Variants in PRPF8 observed in about 807,000 individuals in gnomAD.
PRPF8 encodes the protein pre-mRNA processing factor 8, also known as pre-mRNA-processing-splicing factor 8.
PRPF8 carries 64 observed loss-of-function variants against 285.9 expected under a neutral mutation model. That is an observed-to-expected ratio of 0.22 (90% confidence interval 0.18 to 0.28). The LOEUF is 0.28. Among genes scored for constraint, PRPF8 ranks in the 10% least tolerant of loss-of-function variants. The pLI, the probability that PRPF8 is intolerant of heterozygous loss-of-function variation, is 1.00. For synonymous variants in PRPF8, 1,325 were observed against 1,118.2 expected, an observed-to-expected ratio of 1.18 and a Z score of -3.69; for missense variants, 1,426 against 3,026.7, an observed-to-expected ratio of 0.47 and a Z score of 12.41.
chr17:1,655,214 T>C, intron 37 of PRPF8, 136 bp downstream of exon 37: 1 of 959,952 alleles, frequency 1.0e-6, no homozygotes, highest in Non-Finnish European at 1.6e-6. Flanking sequence ...CACCTTGGCC[T>C]CCCAAAGTGC....
At position 1,653,337 on chromosome 17, in the gene PRPF8, T is replaced by A. The variant is rs1911185178; in HGVS notation, c.6369+205A>T. 1 of 682,396 alleles carries A rather than the reference T, an allele frequency of 1.5e-6. No homozygotes were observed. The highest frequency in any genetic ancestry group is 1.7e-5 in the South Asian group (1 of 58,288). 42.3% of individuals were successfully genotyped at this position (682,396 alleles called of 1,614,324 possible). On this transcript the variant is annotated intron_variant, in intron 39 of 42. Transcript: ENST00000304992. The surrounding 1 kb of genome is among the most constrained non-coding windows in gnomAD (Gnocchi z 4.9). ...CTTCCAAATACTATCAGGCCAATACTACAATTACTACCTTCTCTCAGCTGC... is the reference window on the plus strand; with the variant it reads ...CTTCCAAATACTATCAGGCCAATACAACAATTACTACCTTCTCTCAGCTGC...
chr17:1,678,465 A>C, intron 13 of PRPF8, 53 bp downstream of exon 13: 5 of 1,612,582 alleles, frequency 3.1e-6, no homozygotes, highest in Non-Finnish European at 4.2e-6. Flanking sequence ...CCCAAGAGAC[A>C]AGAGTAAGAC....
In PRPF8 at chr17:1,658,130, G is replaced by A; in HGVS notation, c.5505+123C>T. The A allele has an allele frequency of 1.4e-6, 2 of 1,425,576 alleles. No homozygotes were observed. The allele number at this position is 1,425,576 out of a possible 1,614,324, so 88.3% of individuals were successfully genotyped here. On this transcript the variant is annotated intron_variant, in intron 34 of 42. Coordinates refer to ENST00000304992, the MANE Select transcript of PRPF8 (RefSeq NM_006445.4). The surrounding 1 kb of genome is among the most constrained non-coding windows in gnomAD (Gnocchi z 4.1). Reference sequence around the variant, plus strand: ...ACAGAATACTTCCCAAGGTATTTTGGGGATAAGTTCAAATGAGATGTTCTC... The same window carrying A: ...ACAGAATACTTCCCAAGGTATTTTGAGGATAAGTTCAAATGAGATGTTCTC...
chr17:1,656,795 G>T, intron 34 of PRPF8, 34 bp from the exon 35 acceptor site: 1 of 1,558,348 alleles, frequency 6.4e-7, no homozygotes. Flanking sequence ...TGGAAATTTA[G>T]TCTCTACCCT....
At chr17:1,678,257 G>C (rs898000203) in intron 13 of PRPF8, among the ~76,000 whole-genome samples, 1 of 152,130 alleles carries the variant, frequency 6.6e-6, no homozygotes, top group Non-Finnish European at 1.5e-5. Context: ...GGAGGCTGTG[G>C]TGAGCCAAGA....
intron 24 of PRPF8, among the ~76,000 whole-genome samples, chr17:1,672,203 A>T (rs1003746694): frequency 4.6e-5 from 7 of 152,210 alleles, no homozygotes; most frequent in African/African-American, 1.7e-4. Flanking sequence ...ACATTTAGAG[A>T]TATGAAGGTC....
chr17:1,651,642 C>G lies in PRPF8; in HGVS notation c.6510+6G>C. The G allele has an allele frequency of 6.2e-7, 1 of 1,614,168 alleles. No individual in the cohort carries two copies. The highest frequency in any genetic ancestry group is 8.5e-7 in the Non-Finnish European group (1 of 1,180,036). Reference sequence around the variant, plus strand: ...CACACTCCCAGGCTCCATCACTCCCCATTACCTTGAGGTACTCATGCTGGG... The same window carrying G: ...CACACTCCCAGGCTCCATCACTCCCGATTACCTTGAGGTACTCATGCTGGG... On this transcript the variant is annotated splice_donor_region_variant and intron_variant, in intron 40 of 42. Transcript: ENST00000304992. This position sits in a 1 kb window ranked among gnomAD's most constrained non-coding sequence, Gnocchi z 5.1.
At chr17:1,655,924 CTTT>C (rs76782744) in intron 36 of PRPF8, among the ~76,000 whole-genome samples, 2 of 119,506 alleles carry the variant, frequency 1.7e-5, no homozygotes, top group African/African-American at 6.3e-5. Context: ...TGCGCCCGGC[CTTT>C]TTTTTTTTTT....
chr17:1,668,048 C>T (rs989080396), intron 24 of PRPF8, among the ~76,000 whole-genome samples: 41 of 152,254 alleles, frequency 2.7e-4, no homozygotes, highest in African/African-American at 9.2e-4. Context: ...CAAAAGCCGT[C>T]TGACCTAGGT....
Position 1,673,508 on chromosome 17 carries a change from T to C in PRPF8, c.3506A>G (p.Gln1169Arg). 1 of 1,614,222 alleles carries C rather than the reference T, an allele frequency of 6.2e-7. No homozygotes were observed. Among genetic ancestry groups the C allele is most frequent in the Non-Finnish European group, 8.5e-7 (1 of 1,180,048 alleles). The change falls in exon 23 of 43, where the codon CAG (glutamine) becomes CGG (arginine). Residue 1169 changes from glutamine (Q) to arginine (R), a missense_variant. Physicochemically the swap from Gln to Arg is conservative, Grantham distance 43 (BLOSUM62 1). Around this residue, in one of 34 missense-constraint regions of PRPF8, gnomAD observed 148 missense variants for 196.2 expected, o/e 0.75. Coordinates refer to ENST00000304992, the MANE Select transcript of PRPF8 (RefSeq NM_006445.4). The surrounding 1 kb of genome is among the most constrained non-coding windows in gnomAD (Gnocchi z 5.5). ...CACAGACACGAAGCTGTTCTCCCAC[T>C]GAACTGTAGTCACTGACCGTGGCAA... ...NRLPRSVTTV[Q>R]WENSFVSVYS...
At chr17:1,655,128 T>G in intron 37 of PRPF8, 1 of 556,044 alleles carries the variant, frequency 1.8e-6, no homozygotes, top group East Asian at 3.2e-5. Flanking sequence ...CGGCTAACTT[T>G]TGTATTTTTA....
chr17:1,659,995 C>G lies in PRPF8; in HGVS notation c.4792G>C (p.Asp1598His), dbSNP rs759664867. 1 of 1,614,112 alleles carries G rather than the reference C, an allele frequency of 6.2e-7. No homozygotes were observed. The highest frequency in any genetic ancestry group is 8.5e-7 in the Non-Finnish European group (1 of 1,179,958). ...ATTTCCAGTGCATCAAGTTCCTGGT[C>G]AAACACCTGAAGGAAAACATGGAGA... is the stretch of plus-strand genomic sequence containing the variant. ...SIVMDLCQVF[D>H]QELDALEIET... The change falls in exon 31 of 43, where the codon GAC becomes CAC. Residue 1598 changes from aspartate to histidine, a missense_variant. Around this residue, in one of 34 missense-constraint regions of PRPF8, gnomAD observed 21 missense variants for 16.5 expected, o/e 1.27. Coordinates refer to ENST00000304992, the MANE Select transcript of PRPF8 (RefSeq NM_006445.4). This position sits in a 1 kb window ranked among gnomAD's most constrained non-coding sequence, Gnocchi z 5.1.
chr17:1,675,370 G>A lies in PRPF8; in HGVS notation c.2873-31C>T, dbSNP rs370131962. On this transcript the variant is annotated intron_variant, in intron 19 of 42. Transcript: ENST00000304992. This position sits in a 1 kb window ranked among gnomAD's most constrained non-coding sequence, Gnocchi z 6.0. ...GAGTAGCAAGGCAGGTCTCCAGCAGGTTAGAAATCCTCTTGCAAGACTAGC... is the reference window on the plus strand; with the variant it reads ...GAGTAGCAAGGCAGGTCTCCAGCAGATTAGAAATCCTCTTGCAAGACTAGC... The A allele has an allele frequency of 1.2e-6, 2 of 1,612,710 alleles. No homozygotes were observed. The highest frequency in any genetic ancestry group is 1.7e-6 in the Non-Finnish European group (2 of 1,179,032).
Position 1,658,958 on chromosome 17 carries a change from T to TA in PRPF8, c.5139-196dup, listed in dbSNP as rs1194338966. The TA allele has an allele frequency of 5.8e-6, 4 of 693,074 alleles. No individual in the cohort carries two copies. The highest frequency in any genetic ancestry group is 1.1e-5 in the Non-Finnish European group (4 of 379,850). 42.9% of individuals were successfully genotyped at this position (693,074 alleles called of 1,614,324 possible). Reference sequence around the variant, plus strand: ...GCCACTTCCTCTCACTTAGGTAAAGTAAAAAAGTATGACTACGTTAAAGTA... The same window carrying TA: ...GCCACTTCCTCTCACTTAGGTAAAGTAAAAAAAGTATGACTACGTTAAAGTA... On this transcript the variant is annotated intron_variant, in intron 32 of 42. Coordinates refer to ENST00000304992, the MANE Select transcript of PRPF8 (RefSeq NM_006445.4). This position sits in a 1 kb window ranked among gnomAD's most constrained non-coding sequence, Gnocchi z 4.1.
At chr17:1,668,031 A>G (rs191834656) in intron 24 of PRPF8, among the ~76,000 whole-genome samples, 6 of 152,350 alleles carry the variant, frequency 3.9e-5, no homozygotes, top group African/African-American at 1.4e-4. Context: ...GTTTCATTTA[A>G]TTCTCACAAA....
In PRPF8 at chr17:1,675,572, C is replaced by T; in HGVS notation, c.2872+48G>A. On this transcript the variant is annotated intron_variant, in intron 19 of 42. Coordinates refer to ENST00000304992, the MANE Select transcript of PRPF8 (RefSeq NM_006445.4). The surrounding 1 kb of genome is among the most constrained non-coding windows in gnomAD (Gnocchi z 6.0). ...CCCAGATGAGATTTTTGACGTAGAA[C>T]TAAATTCCTGCCCCGTTCCTCACAG... 6.2e-7 allele frequency: 1 copy of T among 1,611,396 alleles called. No homozygotes were observed. The highest frequency in any genetic ancestry group is 8.5e-7 in the Non-Finnish European group (1 of 1,177,808).
Position 1,662,054 on chromosome 17 carries a change from C to G in PRPF8, c.3874G>C (p.Glu1292Gln). Residue 1292 changes from glutamate (E) to glutamine (Q), a missense_variant, in exon 25 of 43, where the codon GAG (glutamate) becomes CAG (glutamine). Around this residue, in one of 34 missense-constraint regions of PRPF8, gnomAD observed 25 missense variants for 106.8 expected, o/e 0.23. Transcript: ENST00000304992. ...TTGATACGTGTCTGGATTTTGTTCTCACACTTCACCAGTAAGTCCAAGAGC... is the reference window on the plus strand; with the variant it reads ...TTGATACGTGTCTGGATTTTGTTCTGACACTTCACCAGTAAGTCCAAGAGC... ...QELLDLLVKC[E>Q]NKIQTRIKIG... 6.2e-7 allele frequency: 1 copy of G among 1,614,122 alleles called. No homozygotes were observed. Among genetic ancestry groups the G allele is most frequent in the Non-Finnish European group, 8.5e-7 (1 of 1,180,028 alleles).
In PRPF8 at chr17:1,673,018, G is replaced by T; in HGVS notation, c.3774+63C>A. 1 of 1,439,326 alleles carries T rather than the reference G, an allele frequency of 6.9e-7. No individual in the cohort carries two copies. The highest frequency in any genetic ancestry group is 9.8e-7 in the Non-Finnish European group (1 of 1,020,482). 89.2% of individuals were successfully genotyped at this position (1,439,326 alleles called of 1,614,324 possible). On this transcript the variant is annotated intron_variant, in intron 24 of 42. Coordinates refer to ENST00000304992, the MANE Select transcript of PRPF8 (RefSeq NM_006445.4). The surrounding 1 kb of genome is among the most constrained non-coding windows in gnomAD (Gnocchi z 5.5). ...CAGCCAGCAGGGGACGAAGTGAAAG[G>T]GGTGTGAAATGAGCAGAGGACAGCA...
chr17:1,663,414 T>C (rs964581239), intron 24 of PRPF8, among the ~76,000 whole-genome samples: 2 of 151,856 alleles, frequency 1.3e-5, no homozygotes, highest in Non-Finnish European at 2.9e-5. Context: ...CATTGTCAAA[T>C]TGGATTTAAA....
Sources: gnomAD v4.1 joint callset for allele counts (sites outside exome capture counted in the v4.1 genomes callset) on GRCh38, gnomAD v4.1.1 for gene constraint, gnomAD v4.1.1 regional missense constraint, Gnocchi (gnomAD v3.1) non-coding constraint, MANE v1.5 for transcripts, NCBI Gene and HGNC (gene_info 2026-07-23, HGNC 2026-07-21) for gene names.